Variants in MEIKIN observed in about 807,000 individuals in gnomAD.
MEIKIN encodes meiotic kinetochore factor, also known as meiosis-specific kinetochore protein.
Position 131,885,370 on chromosome 5 carries a change from AGAGAGAGAGAGAGAGAGAGAGAGAG to A in MEIKIN, c.704-6347_704-6323del, listed in dbSNP as rs1750771571. Among the ~76,000 whole-genome samples the A allele has an allele frequency of 8.1e-5, 4 of 49,178 alleles. No individual in the cohort carries two copies. The East Asian group carries it at 2.5e-3, about 31-fold the overall frequency. The allele number at this position is 49,178 out of a possible 152,430, so 32.3% of individuals were successfully genotyped here. On this transcript the variant is annotated intron_variant, in intron 8 of 12. Transcript: ENST00000442687. ...GAGAGAGAGAGAGAGAGAGAGAGAG[AGAGAGAGAGAGAGAGAGAGAGAGAG>A]AGAGAGAGAGAGAGAGAGAGAGAGA... is the stretch of plus-strand genomic sequence containing the variant.
intron 3 of MEIKIN, among the ~76,000 whole-genome samples, 196 bp from the exon 4 acceptor site, chr5:131,942,891 T>C (rs534866191): frequency 2.0e-5 from 3 of 152,220 alleles, no homozygotes; most frequent in East Asian, 3.9e-4. Flanking sequence ...AATATTAAAA[T>C]ATAATACTAT....
At chr5:131,872,813 T>C (rs1198475880) in intron 9 of MEIKIN, among the ~76,000 whole-genome samples, 4 of 152,284 alleles carry the variant, frequency 2.6e-5, no homozygotes, top group Non-Finnish European at 5.9e-5. Flanking sequence ...GCAGAAACTC[T>C]ACAAGCCAGA....
At chr5:131,827,299 C>A (rs1749632566) in intron 11 of MEIKIN, among the ~76,000 whole-genome samples, 1 of 151,726 alleles carries the variant, frequency 6.6e-6, no homozygotes, top group African/African-American at 2.4e-5. Context: ...TTGTTTTTTT[C>A]AATGAATCAA....
At chr5:131,913,282 A>G (rs1751359846) in intron 7 of MEIKIN, among the ~76,000 whole-genome samples, 2 of 152,208 alleles carry the variant, frequency 1.3e-5, no homozygotes, top group African/African-American at 4.8e-5. Context: ...CAAGATGATC[A>G]TAATTAGCCC....
intron 11 of MEIKIN, among the ~76,000 whole-genome samples, chr5:131,835,157 T>A (rs9716059): frequency 0.075 from 11,358 of 151,426 alleles, 879 homozygotes; most frequent in African/African-American, 0.2. Flanking sequence ...TTTGCTAGAG[T>A]TTTGTGTTCC....
rs1314225610 is a variant in MEIKIN at position 131,876,491 on chromosome 5, AAAC to A, written c.774+2484_774+2486del. ...GAATGGCGATCATTAAAAAGTCAGG[AAAC>A]AACAGGTGCTGGAGAGGATGTGGAG... On this transcript the variant is annotated intron_variant, in intron 9 of 12. Coordinates refer to ENST00000442687, the MANE Select transcript of MEIKIN (RefSeq NM_001303622.2). 4.6e-3 allele frequency among the ~76,000 whole-genome samples: 655 copies of A among 141,278 alleles called. 4 individuals carry two copies. The highest frequency in any genetic ancestry group is 0.017 in the African/African-American group (609 of 35,074). 92.7% of individuals were successfully genotyped at this position (141,278 alleles called of 152,430 possible). A position where few individuals can be genotyped will look rare whatever the true frequency, so the allele number is the denominator to read the frequency against.
chr5:131,889,825 T>C (rs1750874943), intron 8 of MEIKIN, among the ~76,000 whole-genome samples: 1 of 152,222 alleles, frequency 6.6e-6, no homozygotes, highest in South Asian at 2.1e-4. Flanking sequence ...TTTTGGCCAT[T>C]CAGTATGATA....
At chr5:131,899,555 A>C (rs966969761) in intron 8 of MEIKIN, among the ~76,000 whole-genome samples, 7 of 151,788 alleles carry the variant, frequency 4.6e-5, no homozygotes, top group Admixed American at 1.3e-4. Flanking sequence ...AAAAAAAAAA[A>C]AAAAAACAAG....
intron 11 of MEIKIN, among the ~76,000 whole-genome samples, chr5:131,835,212 G>T (rs55764014): frequency 0.63 from 95,164 of 150,512 alleles, 32,107 homozygotes; most frequent in Non-Finnish European, 0.77. Context: ...ATATATGTGT[G>T]TATATATATG....
At chr5:131,915,927 T>A (rs574874188) in intron 7 of MEIKIN, among the ~76,000 whole-genome samples, 1 of 152,328 alleles carries the variant, frequency 6.6e-6, no homozygotes, top group South Asian at 2.1e-4. Context: ...TCAAGTGTTT[T>A]ATTACATTTG....
At chr5:131,883,881 C>T (rs1358196306) in intron 8 of MEIKIN, among the ~76,000 whole-genome samples, 1 of 152,182 alleles carries the variant, frequency 6.6e-6, no homozygotes, top group Non-Finnish European at 1.5e-5. Flanking sequence ...GATTGTGAGA[C>T]ATTGCACTGA....
chr5:131,882,980 C>T (rs528149527), intron 8 of MEIKIN, among the ~76,000 whole-genome samples: 1 of 152,318 alleles, frequency 6.6e-6, no homozygotes, highest in African/African-American at 2.4e-5. Context: ...AGTTACACCT[C>T]TTTACCCTAC....
chr5:131,819,598 CTTTTTTTT>C (rs34041769), intron 11 of MEIKIN, among the ~76,000 whole-genome samples: 1 of 130,660 alleles, frequency 7.7e-6, no homozygotes, highest in Admixed American at 7.8e-5. Context: ...TAGAAACTTC[CTTTTTTTT>C]TTTTTTTTCT....
At chr5:131,894,501 T>A (rs1750998783) in intron 8 of MEIKIN, among the ~76,000 whole-genome samples, 1 of 152,232 alleles carries the variant, frequency 6.6e-6, no homozygotes, top group African/African-American at 2.4e-5. Context: ...GTATGGCCAT[T>A]TTCATGATAT....
chr5:131,850,623 A>G (rs1439863119), intron 11 of MEIKIN, among the ~76,000 whole-genome samples: 1 of 152,150 alleles, frequency 6.6e-6, no homozygotes, highest in Non-Finnish European at 1.5e-5. Flanking sequence ...GGATATCTAC[A>G]TGCAAAAGAA....
At chr5:131,833,818 T>C (rs1337914723) in intron 11 of MEIKIN, among the ~76,000 whole-genome samples, 5 of 152,136 alleles carry the variant, frequency 3.3e-5, no homozygotes, top group Non-Finnish European at 7.3e-5. Context: ...CCAAACCATA[T>C]CAGTAACCAA....
chr5:131,825,765 C>T (rs950915728), intron 11 of MEIKIN, among the ~76,000 whole-genome samples: 19 of 152,220 alleles, frequency 1.2e-4, no homozygotes, highest in African/African-American at 4.6e-4. Context: ...GAGGTTATCT[C>T]CCAGGAGCCT....
At chr5:131,898,588 G>T (rs1032016972) in intron 8 of MEIKIN, among the ~76,000 whole-genome samples, 1 of 152,172 alleles carries the variant, frequency 6.6e-6, no homozygotes, top group Non-Finnish European at 1.5e-5. Flanking sequence ...TGCCCAGTTC[G>T]AGCTTCCCAG....
rs184372724 is a variant in MEIKIN at position 131,896,142 on chromosome 5, T to C, written c.703+15673A>G. On this transcript the variant is annotated intron_variant, in intron 8 of 12. Coordinates refer to ENST00000442687, the MANE Select transcript of MEIKIN (RefSeq NM_001303622.2). ...TTATTTCTGCCTTGATTTCGTTATTTACCCAGTAGTCATTCAGGAGCAGGT... is the reference window on the plus strand; with the variant it reads ...TTATTTCTGCCTTGATTTCGTTATTCACCCAGTAGTCATTCAGGAGCAGGT... Among the ~76,000 whole-genome samples the C allele has an allele frequency of 5.3e-3, 809 of 152,334 alleles. 11 individuals are homozygous for C. Among genetic ancestry groups the C allele is most frequent in the South Asian group, 0.039 (188 of 4,820 alleles).
Sources: gnomAD v4.1 joint callset for allele counts (sites outside exome capture counted in the v4.1 genomes callset) on GRCh38, gnomAD v4.1.1 for gene constraint, MANE v1.5 for transcripts, NCBI Gene and HGNC (gene_info 2026-07-23, HGNC 2026-07-21) for gene names.